The following LIN7A variants were observed in gnomAD, a reference collection of about 807,000 sequenced individuals.
LIN7A encodes protein lin-7 homolog A.
LIN7A carries 25 observed loss-of-function variants against 29.8 expected under a neutral mutation model. That is an observed-to-expected ratio of 0.84 (90% CI 0.61 to 1.17). The LOEUF (loss-of-function observed/expected upper bound fraction) is 1.17, where lower values mean the gene tolerates loss of function less well. Among genes scored for constraint, LIN7A ranks in the 50% most tolerant of loss-of-function variants. The probability of loss-of-function intolerance (pLI) is 0.00; values close to 1 mark genes in which losing one functional copy is unlikely to be tolerated. For missense variants in LIN7A, 239 were observed against 287.0 expected (o/e 0.83, Z 1.21); for synonymous variants, 118 against 107.5 (o/e 1.10, Z -0.60).
intron 2 of LIN7A, among the ~76,000 whole-genome samples, chr12:80,878,514 A>G (rs1035931386): frequency 9.9e-5 from 15 of 152,176 alleles, no homozygotes; most frequent in Admixed American, 9.8e-4. Flanking sequence ...GGTGAGTGTG[A>G]CAGCTCTTAA....
chr12:80,913,105 A>G (rs1196356815), intron 1 of LIN7A, among the ~76,000 whole-genome samples: 1 of 152,104 alleles, frequency 6.6e-6, no homozygotes, highest in Admixed American at 6.6e-5. Flanking sequence ...GGCTGACTTA[A>G]TTTTCCTATG....
At chr12:80,913,626 A>G (rs893307748) in intron 1 of LIN7A, among the ~76,000 whole-genome samples, 2 of 152,204 alleles carry the variant, frequency 1.3e-5, no homozygotes, top group African/African-American at 4.8e-5. Context: ...CGAGTATGCC[A>G]GGATTTCAGA....
chr12:80,908,817 A>T (rs1311093004), intron 1 of LIN7A, among the ~76,000 whole-genome samples: 3 of 151,354 alleles, frequency 2.0e-5, no homozygotes, highest in Non-Finnish European at 4.4e-5. Context: ...CAAATCTTTT[A>T]TTCGTTTTTT....
chr12:80,892,219 A>T (rs1288204942), intron 1 of LIN7A, among the ~76,000 whole-genome samples: 1 of 152,200 alleles, frequency 6.6e-6, no homozygotes, highest in African/African-American at 2.4e-5. Flanking sequence ...AGAATTCCAC[A>T]TCCCTGTGTC....
At chr12:80,872,471 G>T (rs1363525013) in intron 2 of LIN7A, among the ~76,000 whole-genome samples, 1 of 152,030 alleles carries the variant, frequency 6.6e-6, no homozygotes, top group Non-Finnish European at 1.5e-5. Context: ...CTCAACCATA[G>T]TAATTTATAA....
chr12:80,808,113 T>G (rs951042), intron 5 of LIN7A, among the ~76,000 whole-genome samples: 114,736 of 152,086 alleles, frequency 0.75, 43,697 homozygotes, highest in African/African-American at 0.84. Flanking sequence ...CTAACTACTC[T>G]GGCTTTCTTT....
chr12:80,868,773 GAAGATA>G (rs1222777275), intron 2 of LIN7A, among the ~76,000 whole-genome samples: 2 of 152,282 alleles, frequency 1.3e-5, no homozygotes, highest in East Asian at 3.9e-4. Context: ...TTAATTAACT[GAAGATA>G]AACTATGTAG....
chr12:80,812,375 T>C (rs1191562024), intron 4 of LIN7A, among the ~76,000 whole-genome samples: 2 of 150,970 alleles, frequency 1.3e-5, no homozygotes, highest in Non-Finnish European at 2.9e-5. Context: ...AAGGAATTCT[T>C]AATTTAAAAT....
At chr12:80,870,335 A>ATAT (rs1158685877) in intron 2 of LIN7A, among the ~76,000 whole-genome samples, 1 of 152,208 alleles carries the variant, frequency 6.6e-6, no homozygotes, top group Non-Finnish European at 1.5e-5. Context: ...TGTGGATTAA[A>ATAT]TAATATTACT....
chr12:80,886,718 A>G (rs1875346553), intron 2 of LIN7A, among the ~76,000 whole-genome samples: 1 of 152,090 alleles, frequency 6.6e-6, no homozygotes, highest in African/African-American at 2.4e-5. Context: ...AAAATGTCAA[A>G]CTGTCTATGG....
At chr12:80,927,544 T>C (rs759679369) in intron 1 of LIN7A, among the ~76,000 whole-genome samples, 16 of 152,192 alleles carry the variant, frequency 1.1e-4, no homozygotes, top group Non-Finnish European at 1.6e-4. Context: ...AAAGGGAATG[T>C]GGAAATTCAT....
intron 1 of LIN7A, among the ~76,000 whole-genome samples, chr12:80,914,582 C>T (rs1876936072): frequency 6.6e-6 from 1 of 152,214 alleles, no homozygotes; most frequent in African/African-American, 2.4e-5. Flanking sequence ...TCGCATGTTT[C>T]ACGTTATCTT....
chr12:80,824,666 A>T (rs890882096), intron 4 of LIN7A, among the ~76,000 whole-genome samples: 2 of 152,222 alleles, frequency 1.3e-5, no homozygotes, highest in African/African-American at 4.8e-5. Context: ...ATAATCCACC[A>T]TGATCAGGTG....
chr12:80,855,486 A>C (rs1339015166), intron 2 of LIN7A, among the ~76,000 whole-genome samples: 1 of 152,118 alleles, frequency 6.6e-6, no homozygotes, highest in African/African-American at 2.4e-5. Context: ...AATATTTTAA[A>C]ATCTTCATTA....
chr12:80,807,084 T>TTTG (rs1565883951), intron 5 of LIN7A, among the ~76,000 whole-genome samples: 2 of 129,206 alleles, frequency 1.5e-5, no homozygotes, highest in African/African-American at 2.7e-5. Context: ...TTTTTTTTTT[T>TTTG]TTTTTTTGAC....
chr12:80,838,652 T>C (rs902405312), intron 4 of LIN7A, among the ~76,000 whole-genome samples: 4 of 152,216 alleles, frequency 2.6e-5, no homozygotes, highest in African/African-American at 9.6e-5. Flanking sequence ...AATTATAACC[T>C]AAACAGTCCC....
intron 2 of LIN7A, among the ~76,000 whole-genome samples, chr12:80,853,639 T>TA (rs55657515): frequency 2.1e-4 from 32 of 149,788 alleles, no homozygotes; most frequent in Admixed American, 4.0e-4. Flanking sequence ...ATGTGTAGGT[T>TA]AAAAAAAAAA....
rs189782685 is a variant in LIN7A, at chr12:80,860,648, C to T, written c.202-12326G>A. 5.9e-5 allele frequency among the ~76,000 whole-genome samples: 9 copies of T among 152,294 alleles called. No homozygotes were observed. The East Asian group carries it at 1.3e-3, about 23-fold the overall frequency. The stretch of plus-strand genomic sequence containing the variant: ...TCAAAGTCTTCAGAACCCAGAACAA[C>T]AGGATAAACTACATCATTCTGGAAC... On this transcript the variant is annotated intron_variant, in intron 2 of 5. Coordinates refer to ENST00000552864, the MANE Select transcript of LIN7A (RefSeq NM_004664.4).
At chr12:80,866,728 A>T (rs1874155744) in intron 2 of LIN7A, among the ~76,000 whole-genome samples, 1 of 152,154 alleles carries the variant, frequency 6.6e-6, no homozygotes, top group South Asian at 2.1e-4. Flanking sequence ...CACTGAGAAA[A>T]ACTAATAACA....
Sources: allele counts gnomAD v4.1 joint callset (sites outside exome capture counted in the v4.1 genomes callset), GRCh38; gene constraint gnomAD v4.1.1; transcripts MANE v1.5; gene names NCBI Gene and HGNC (gene_info 2026-07-23, HGNC 2026-07-21).